Variants in UBAP2L observed in about 807,000 individuals in gnomAD.
The protein encoded by UBAP2L is ubiquitin associated protein 2 like, also known as ubiquitin-associated protein 2-like.
A neutral mutation model predicts 130.6 loss-of-function variants in UBAP2L; 12 were observed. The observed-to-expected ratio is 0.09, with a 90% CI of 0.06 to 0.15. UBAP2L has a LOEUF of 0.15. Ranked by LOEUF, UBAP2L falls within the 10% of genes least tolerant of loss-of-function variation. The probability of loss-of-function intolerance (pLI) is 1.00; values close to 1 mark genes in which losing one functional copy is unlikely to be tolerated. For synonymous variants in UBAP2L, 503 were observed against 524.7 expected (o/e 0.96, Z 0.57); for missense variants, 965 against 1,332.5 (o/e 0.72, Z 4.29).
At chr1:154,244,429 G>T (rs1674657861) in intron 10 of UBAP2L, among the ~76,000 whole-genome samples, 2 of 152,190 alleles carry the variant, frequency 1.3e-5, no homozygotes, top group Non-Finnish European at 2.9e-5. Context: ...AGGCTGGAGT[G>T]CAGTGGCGTG....
chr1:154,248,242 C>T (rs1000601039), intron 11 of UBAP2L, among the ~76,000 whole-genome samples: 3 of 152,104 alleles, frequency 2.0e-5, no homozygotes, highest in South Asian at 2.1e-4. Flanking sequence ...GCTGGGATTA[C>T]AGGCGTGAGC....
chr1:154,258,842 T>A lies in UBAP2L; in HGVS notation c.2443-135T>A, dbSNP rs914546058. ...TTACTGCTTTTTCCTTAAATAAAAT[T>A]GAAGGAAATAATCCGTGTCCTGTTC... On this transcript the variant is annotated intron_variant, in intron 20 of 26. Transcript: ENST00000428931. 3 of 672,638 alleles carry A rather than the reference T, an allele frequency of 4.5e-6. No homozygotes were observed. The African/African-American group carries it at 5.5e-5, about 12-fold the overall frequency. 41.7% of individuals were successfully genotyped at this position (672,638 alleles called of 1,614,324 possible).
intron 25 of UBAP2L, 53 bp downstream of exon 25, chr1:154,266,621 G>A (rs182607156): frequency 5.0e-5 from 78 of 1,573,472 alleles, no homozygotes; most frequent in Non-Finnish European, 6.7e-5. Context: ...TAGAGGAGGT[G>A]GAGTTGCAAT....
chr1:154,269,933 T>C (rs1200212487), intron 26 of UBAP2L, among the ~76,000 whole-genome samples: 4 of 152,138 alleles, frequency 2.6e-5, no homozygotes, highest in Non-Finnish European at 5.9e-5. Flanking sequence ...GAATGTAGAA[T>C]TGAAAATGAG....
chr1:154,252,308 G>A (rs938815908), intron 14 of UBAP2L, among the ~76,000 whole-genome samples: 1 of 129,168 alleles, frequency 7.7e-6, no homozygotes, highest in African/African-American at 3.0e-5. Flanking sequence ...TTTAGATGGA[G>A]TTTTGCTCTG....
rs1279701474 is a variant in UBAP2L at position 154,257,203 on chromosome 1, A to G, written c.2298A>G (p.Leu766=). The G allele has an allele frequency of 1.9e-6, 3 of 1,614,090 alleles. No homozygotes were observed. Among genetic ancestry groups the G allele is most frequent in the Non-Finnish European group, 2.5e-6 (3 of 1,180,044 alleles). The part of the protein sequence containing the change: ...LNSGSSLGLS[L]GSNSTVTAST... ...GTGGCAGTAGCCTGGGCCTCAGCCT[A>G]GGCAGCAACTCCACTGTCACAGCCT... Residue 766 remains leucine (L), a synonymous_variant, in exon 19 of 27, where the codon CTA becomes CTG. Transcript: ENST00000428931.
At chr1:154,268,704 A>G in intron 25 of UBAP2L, 53 bp from the exon 26 acceptor site, 2 of 1,586,744 alleles carry the variant, frequency 1.3e-6, no homozygotes, top group Non-Finnish European at 8.6e-7. Context: ...GAAAAATCCC[A>G]AGACTAGTTT....
Position 154,257,045 on chromosome 1 carries a change from C to T in UBAP2L, c.2158-18C>T. On this transcript the variant is annotated intron_variant, in intron 18 of 26. Coordinates refer to ENST00000428931, the MANE Select transcript of UBAP2L (RefSeq NM_014847.4). ...ATCTCTTTTCTTCTTCTCTCTTCCA[C>T]TGCTCCCCCTTTTGAAGCACACAAG... 1 of 1,608,540 alleles carries T rather than the reference C, an allele frequency of 6.2e-7. No homozygotes were observed. Among genetic ancestry groups the T allele is most frequent in the East Asian group, 2.2e-5 (1 of 44,844 alleles).
intron 17 of UBAP2L, 88 bp downstream of exon 17, chr1:154,255,414 A>G: frequency 2.0e-6 from 3 of 1,510,766 alleles, no homozygotes; most frequent in East Asian, 4.5e-5. Flanking sequence ...CCTGGCAGAG[A>G]CCACATTAGC....
Position 154,261,701 on chromosome 1 carries a change from A to C in UBAP2L, c.2902+4A>C. The C allele has an allele frequency of 6.2e-7, 1 of 1,613,838 alleles. No individual in the cohort carries two copies. The highest frequency in any genetic ancestry group is 8.5e-7 in the Non-Finnish European group (1 of 1,179,796). On this transcript the variant is annotated splice_donor_region_variant and intron_variant, in intron 24 of 26. Coordinates refer to ENST00000428931, the MANE Select transcript of UBAP2L (RefSeq NM_014847.4). The stretch of plus-strand genomic sequence containing the variant: ...GGGTCTCATGGATACAACACTGGTA[A>C]GCTGACCTTGTCTCTGGCTCGGTGT...
At chr1:154,245,092 A>T (rs1674968424) in intron 10 of UBAP2L, among the ~76,000 whole-genome samples, 1 of 152,110 alleles carries the variant, frequency 6.6e-6, no homozygotes, top group South Asian at 2.1e-4. Context: ...CCACCACGCC[A>T]GGCTAAGTTT....
chr1:154,266,611 TAG>T (rs746155349), intron 25 of UBAP2L, 43 bp downstream of exon 25: 8 of 1,592,412 alleles, frequency 5.0e-6, no homozygotes, highest in Non-Finnish European at 6.9e-6. Context: ...GAGATAGACA[TAG>T]AGGAGGTGGA....
intron 6 of UBAP2L, among the ~76,000 whole-genome samples, chr1:154,236,059 C>T (rs967637442): frequency 6.6e-6 from 1 of 152,138 alleles, no homozygotes; most frequent in Non-Finnish European, 1.5e-5. Flanking sequence ...TGCTTGAGGA[C>T]ATGGTAGTCT....
intron 25 of UBAP2L, among the ~76,000 whole-genome samples, chr1:154,268,523 C>G (rs1456710137): frequency 1.3e-5 from 2 of 152,152 alleles, no homozygotes; most frequent in Non-Finnish European, 2.9e-5. Context: ...TGTAGCATCC[C>G]TGTTTTATAT....
chr1:154,261,572 C>A lies in UBAP2L; in HGVS notation c.2797-20C>A. ...ATTCTGCTGCCAAGTCACTGCAAATCTGGCCTTTTTGCTCTTTAGGTGGCT... is the reference window on the plus strand; with the variant it reads ...ATTCTGCTGCCAAGTCACTGCAAATATGGCCTTTTTGCTCTTTAGGTGGCT... On this transcript the variant is annotated intron_variant, in intron 23 of 26. Transcript: ENST00000428931. The A allele has an allele frequency of 1.9e-6, 3 of 1,611,834 alleles. No individual in the cohort carries two copies. The highest frequency in any genetic ancestry group is 2.5e-6 in the Non-Finnish European group (3 of 1,177,952).
At chr1:154,233,901 A>T (rs1558136114) in intron 4 of UBAP2L, among the ~76,000 whole-genome samples, 1 of 146,668 alleles carries the variant, frequency 6.8e-6, no homozygotes, top group Non-Finnish European at 1.5e-5. Flanking sequence ...CCAGGAAATA[A>T]CACTTGAAAG....
At position 154,268,900 on chromosome 1, in the gene UBAP2L, C is replaced by G; in HGVS notation, c.3114C>G (p.Pro1038=). 6.2e-7 allele frequency: 1 copy of G among 1,613,878 alleles called. No individual in the cohort carries two copies. Among genetic ancestry groups the G allele is most frequent in the African/African-American group, 1.3e-5 (1 of 74,924 alleles). Residue 1038 remains proline, a synonymous_variant, in exon 26 of 27, where the codon CCC becomes CCG. Coordinates refer to ENST00000428931, the MANE Select transcript of UBAP2L (RefSeq NM_014847.4). ...CCCCCTTTATGCACATTCTGACCCC[C>G]CATCAGCAGCCGCATTCTCAGATCC... ...PPAPFMHILT[P]HQQPHSQILH...
chr1:154,251,092 A>G lies in UBAP2L; in HGVS notation c.1265A>G (p.Gln422Arg). The G allele has an allele frequency of 1.2e-6, 2 of 1,614,100 alleles. No individual in the cohort carries two copies. Among genetic ancestry groups the G allele is most frequent in the Non-Finnish European group, 1.7e-6 (2 of 1,180,020 alleles). ...GTGCACAGCCCCTTTACAAAGCGCC[A>G]GGCTTTTACCCCATCTTCAACCATG... ...SAVHSPFTKR[Q>R]AFTPSSTMME... The change falls in exon 13 of 27, where the codon CAG becomes CGG. Residue 422 changes from glutamine (Q) to arginine (R), a missense_variant. This residue lies in a region of UBAP2L where 74 missense variants were observed against 97.1 expected (regional missense o/e 0.76). Transcript: ENST00000428931.
rs1035824005 is a variant in UBAP2L at position 154,251,525 on chromosome 1, A to G, written c.1536A>G (p.Ser512=). ...AGATGCCTGGCTCAGCAGATATCTC[A>G]GGGCTAAACCTGCAGTTTGGGGCAT... ...AVEMPGSADI[S]GLNLQFGALQ... The change falls in exon 14 of 27, where the codon TCA becomes TCG. Residue 512 remains serine, a synonymous_variant. Coordinates refer to ENST00000428931, the MANE Select transcript of UBAP2L (RefSeq NM_014847.4). The G allele has an allele frequency of 3.3e-5, 53 of 1,614,048 alleles. No individual in the cohort carries two copies. The highest frequency in any genetic ancestry group is 3.8e-5 in the Non-Finnish European group (45 of 1,180,020).
Sources: allele counts gnomAD v4.1 joint callset (sites outside exome capture counted in the v4.1 genomes callset), GRCh38; gene constraint gnomAD v4.1.1; regional missense constraint gnomAD v4.1.1; transcripts MANE v1.5; gene names NCBI Gene and HGNC (gene_info 2026-07-23, HGNC 2026-07-21).